Variants in SH2B3 observed in about 807,000 individuals in gnomAD.
SH2B3 encodes the protein SH2B adaptor protein 3.
In SH2B3, 43 loss-of-function variants were observed where a neutral mutation model predicts 51.9. The observed-to-expected ratio is 0.83, with a 90% CI of 0.65 to 1.07. The LOEUF is 1.07. SH2B3 is among the 50% of genes least tolerant of loss of function. SH2B3 has a pLI of 0.00. For synonymous variants in SH2B3, 396 were observed against 376.0 expected (o/e 1.05, Z -0.62); for missense variants, 952 against 834.3 (o/e 1.14, Z -1.74).
chr12:111,440,930 T>G (rs376788998), intron 2 of SH2B3, among the ~76,000 whole-genome samples: 1 of 152,278 alleles, frequency 6.6e-6, no homozygotes, highest in African/African-American at 2.4e-5. Flanking sequence ...TTCCATACCC[T>G]CTGGGAGCTC....
rs1391893908 is a variant in SH2B3, at chr12:111,447,983, G to T, written c.1409G>T (p.Gly470Val). Residue 470 changes from glycine to valine, a missense_variant and splice_region_variant, in exon 8 of 8, where the codon GGT becomes GTT. Transcript: ENST00000341259. ...GGTCTCTCTTGGTCACTTGTCCTAGGTTCCTGCAACACGGTCCTCTTCCCT... is the reference window on the plus strand; with the variant it reads ...GGTCTCTCTTGGTCACTTGTCCTAGTTTCCTGCAACACGGTCCTCTTCCCT... ...SYVVVVSQPP[G>V]SCNTVLFPFS... 6.2e-7 allele frequency: 1 copy of T among 1,603,656 alleles called. No individual in the cohort carries two copies.
chr12:111,423,359 GTTTTTATTTTTTTAT>G (rs1212349712), intron 2 of SH2B3, among the ~76,000 whole-genome samples: 4 of 152,062 alleles, frequency 2.6e-5, no homozygotes, highest in Non-Finnish European at 5.9e-5. Flanking sequence ...ACACTGTAGG[GTTTTTATTTTTTTAT>G]TTTTTATTTT....
chr12:111,411,736 C>T (rs1378588836), intron 1 of SH2B3, among the ~76,000 whole-genome samples: 1 of 152,148 alleles, frequency 6.6e-6, no homozygotes, highest in Admixed American at 6.5e-5. Flanking sequence ...ATGCAGACAC[C>T]CCCCAGCCCC....
rs769966735 is a variant in SH2B3 at position 111,447,825 on chromosome 12, C to T, written c.1406C>T (p.Pro469Leu). The T allele has an allele frequency of 3.1e-6, 5 of 1,613,194 alleles. No homozygotes were observed. The Admixed American group carries it at 5.0e-5, about 16-fold the overall frequency. The stretch of plus-strand genomic sequence containing the variant: ...TACGTGGTAGTCGTCTCCCAACCAC[C>T]AGGTCTGACCCTACTGCCCTTTGCT... Reference protein sequence around the residue: ...SSYVVVVSQPPGSCNTVLFPF... With the variant: ...SSYVVVVSQPLGSCNTVLFPF... Residue 469 changes from proline (P) to leucine (L), a missense_variant and splice_region_variant, in exon 7 of 8, where the codon CCA (proline) becomes CTA (leucine). Pro to Leu is a moderately conservative substitution (Grantham distance 98). Transcript: ENST00000341259.
intron 2 of SH2B3, among the ~76,000 whole-genome samples, chr12:111,436,684 C>G (rs1193566568): frequency 6.6e-6 from 1 of 151,986 alleles, no homozygotes; most frequent in African/African-American, 2.4e-5. Flanking sequence ...AGGGAGGCCA[C>G]TCTAGCATCT....
In SH2B3 at chr12:111,435,081, C is replaced by G; in HGVS notation, c.733-11672C>G. The G allele has an allele frequency of 7.1e-7, 1 of 1,402,000 alleles. No individual in the cohort carries two copies. Among genetic ancestry groups the G allele is most frequent in the Non-Finnish European group, 9.7e-7 (1 of 1,028,720 alleles). The allele number at this position is 1,402,000 out of a possible 1,614,324, so 86.8% of individuals were successfully genotyped here. On this transcript the variant is annotated intron_variant, in intron 2 of 7. Transcript: ENST00000341259. This position sits in a 1 kb window ranked among gnomAD's most constrained non-coding sequence, Gnocchi z 4.8. ...TTTGGGGATCTTGGTGGTGATGAGT[C>G]CCCTCTCCTCTGGTGCACTCTCCCC...
intron 2 of SH2B3, among the ~76,000 whole-genome samples, chr12:111,427,410 A>G (rs2135564390): frequency 7.1e-6 from 1 of 141,692 alleles, no homozygotes; most frequent in Non-Finnish European, 1.5e-5. Context: ...AAAAAAAAAA[A>G]AAAAAAAATC....
At chr12:111,443,972 C>T (rs1873679721) in intron 2 of SH2B3, 1 of 152,230 alleles carries the variant, frequency 6.6e-6, no homozygotes. Flanking sequence ...AGGCGGATCA[C>T]CTGATGTCAG....
chr12:111,424,457 CAG>C (rs1871823414), intron 2 of SH2B3, among the ~76,000 whole-genome samples: 2 of 152,112 alleles, frequency 1.3e-5, no homozygotes, highest in African/African-American at 4.8e-5. Context: ...GCTGGGCCCT[CAG>C]GGGAAGGCAT....
In SH2B3 at chr12:111,435,970, G is replaced by C. The variant is rs1408536289; in HGVS notation, c.733-10783G>C. Reference sequence around the variant, plus strand: ...GGGACCAGGCCTGGAGTGGGGTCTGGTGGCCCTGCCGTGTATGGAGCTGAG... The same window carrying C: ...GGGACCAGGCCTGGAGTGGGGTCTGCTGGCCCTGCCGTGTATGGAGCTGAG... On this transcript the variant is annotated intron_variant, in intron 2 of 7. Transcript: ENST00000341259. This position sits in a 1 kb window ranked among gnomAD's most constrained non-coding sequence, Gnocchi z 4.8. Among the ~76,000 whole-genome samples, 1 of 152,182 alleles carries C rather than the reference G, an allele frequency of 6.6e-6. No homozygotes were observed. The highest frequency in any genetic ancestry group is 1.5e-5 in the Non-Finnish European group (1 of 68,008).
At chr12:111,442,078 C>G (rs1873468366) in intron 2 of SH2B3, among the ~76,000 whole-genome samples, 1 of 152,116 alleles carries the variant, frequency 6.6e-6, no homozygotes, top group South Asian at 2.1e-4. Flanking sequence ...CTTTTTGATA[C>G]TAGACAGTAA....
intron 2 of SH2B3, among the ~76,000 whole-genome samples, chr12:111,423,718 C>T (rs1341001101): frequency 6.6e-6 from 1 of 152,188 alleles, no homozygotes; most frequent in Non-Finnish European, 1.5e-5. Flanking sequence ...CGCAGTGGCT[C>T]ATGCCAGTAA....
At chr12:111,439,472 G>A (rs1873202355) in intron 2 of SH2B3, among the ~76,000 whole-genome samples, 1 of 151,978 alleles carries the variant, frequency 6.6e-6, no homozygotes, top group Non-Finnish European at 1.5e-5. Context: ...TTTTAATAGA[G>A]ACAGGGTTTC....
chr12:111,444,935 A>C, intron 2 of SH2B3: 7 of 947,362 alleles, frequency 7.4e-6, no homozygotes, highest in African/African-American at 1.8e-5. Flanking sequence ...GGCGGCTCTC[A>C]AGGGCTGCTG....
rs1208218574 is a variant in SH2B3, at chr12:111,449,932, T to G, written c.*1630T>G. The G allele has an allele frequency of 7.2e-6, 1 of 138,502 alleles. No individual in the cohort carries two copies. Among genetic ancestry groups the G allele is most frequent in the East Asian group, 2.0e-4 (1 of 4,990 alleles). 8.6% of individuals were successfully genotyped at this position (138,502 alleles called of 1,614,324 possible). A position where few individuals can be genotyped will look rare whatever the true frequency, so the allele number is the denominator to read the frequency against. On this transcript the variant is annotated 3_prime_UTR_variant, in exon 8 of 8. Coordinates refer to ENST00000341259, the MANE Select transcript of SH2B3 (RefSeq NM_005475.3). ...GGGAACAAACCCCTATGCACTTTTC[T>G]TTTTTTTTTTTTTGAGATGGAGTTT...
At position 111,410,034 on chromosome 12, in the gene SH2B3, C is replaced by T. The variant is rs535165644; in HGVS notation, c.-28+3757C>T. Among the ~76,000 whole-genome samples, 13 of 152,324 alleles carry T rather than the reference C, an allele frequency of 8.5e-5. No homozygotes were observed. The South Asian group carries it at 1.9e-3, about 22-fold the overall frequency. ...GAGCCAGGCCTGGAGCCCCTGGGGG[C>T]CCACCCGGATGTGGCTACCCCCCGG... is the stretch of plus-strand genomic sequence containing the variant. On this transcript the variant is annotated intron_variant, in intron 1 of 7. Transcript: ENST00000341259. The surrounding 1 kb of genome is among the most constrained non-coding windows in gnomAD (Gnocchi z 4.9).
At chr12:111,446,907 A>C in intron 3 of SH2B3, 35 bp from the exon 4 acceptor site, 1 of 1,606,414 alleles carries the variant, frequency 6.2e-7, no homozygotes, top group Non-Finnish European at 8.5e-7. Context: ...ATACACATAC[A>C]GCAGACCCAA....
intron 2 of SH2B3, among the ~76,000 whole-genome samples, chr12:111,436,741 G>A (rs1403957435): frequency 6.6e-6 from 1 of 152,094 alleles, no homozygotes; most frequent in African/African-American, 2.4e-5. Context: ...CTTGGGGGTG[G>A]TTGCTGTCTC....
At chr12:111,426,848 A>C (rs915230812) in intron 2 of SH2B3, among the ~76,000 whole-genome samples, 1 of 152,054 alleles carries the variant, frequency 6.6e-6, no homozygotes, top group Non-Finnish European at 1.5e-5. Flanking sequence ...GGGATCATGA[A>C]GTGAAGGGGA....
Sources: allele counts gnomAD v4.1 joint callset (sites outside exome capture counted in the v4.1 genomes callset), GRCh38; gene constraint gnomAD v4.1.1; non-coding constraint Gnocchi (gnomAD v3.1); transcripts MANE v1.5; gene names NCBI Gene and HGNC (gene_info 2026-07-23, HGNC 2026-07-21).